The following SETD9 variants were observed in gnomAD, a reference collection of about 807,000 sequenced individuals.
SETD9 encodes SET domain containing 9.
Under a neutral mutation model 36.4 loss-of-function variants are expected in SETD9, and 37 were observed. The ratio of observed to expected loss-of-function variants is 1.02; its 90% CI spans 0.78 to 1.34. SETD9 has a LOEUF of 1.34. SETD9 is among the 40% of genes most tolerant of loss of function. The pLI is 0.00. For synonymous variants in SETD9, 128 were observed against 132.9 expected (o/e 0.96, Z 0.26); for missense variants, 323 against 353.2 (o/e 0.91, Z 0.69).
At chr5:56,911,962 T>G (rs1749155217) in intron 2 of SETD9, among the ~76,000 whole-genome samples, 1 of 152,134 alleles carries the variant, frequency 6.6e-6, no homozygotes, top group Non-Finnish European at 1.5e-5. Context: ...GAGACCAGTC[T>G]GGCCAACATA....
At chr5:56,912,146 C>T in intron 2 of SETD9, 1 of 976,728 alleles carries the variant, frequency 1.0e-6, no homozygotes, top group Non-Finnish European at 1.2e-6. Context: ...CAGTGCTAGG[C>T]TCCATCTCAA....
chr5:56,918,643 A>G (rs774125365), downstream of SETD9, among the ~76,000 whole-genome samples: 7 of 151,868 alleles, frequency 4.6e-5, no homozygotes, highest in African/African-American at 1.7e-4. Flanking sequence ...ACTTCTGTGC[A>G]TGTGTCCACC....
chr5:56,921,209 G>C (rs1375298333), downstream of SETD9: 1 of 152,498 alleles, frequency 6.6e-6, no homozygotes, highest in Non-Finnish European at 1.5e-5. Context: ...TGTAAACCCA[G>C]AGTGAAAATT....
At chr5:56,918,935 A>G (rs1749535922), downstream of SETD9, among the ~76,000 whole-genome samples, 1 of 152,208 alleles carries the variant, frequency 6.6e-6, no homozygotes, top group Non-Finnish European at 1.5e-5. Context: ...AGATATGACT[A>G]CGGTCAAACT....
chr5:56,911,197 A>G lies in SETD9; in HGVS notation c.127A>G (p.Lys43Glu). The G allele has an allele frequency of 6.4e-7, 1 of 1,568,868 alleles. No individual in the cohort carries two copies. The highest frequency in any genetic ancestry group is 1.2e-5 in the South Asian group (1 of 82,174). The change falls in exon 2 of 6, where the codon AAA becomes GAA. Residue 43 changes from lysine (K) to glutamate (E), a missense_variant. Transcript: ENST00000285947. ...RTLRYVPEESKDKVISDEDVL... is the reference protein window; with the variant it reads ...RTLRYVPEESEDKVISDEDVL... ...CCTCCGATATGTTCCAGAGGAATCC[A>G]AAGACAAAGTTATCTCAGATGAAGA...
rs1748983116 is a variant in SETD9 at position 56,909,614 on chromosome 5, C to T, written c.-32C>T. 6.4e-7 allele frequency: 1 copy of T among 1,567,388 alleles called. No individual in the cohort carries two copies. Among genetic ancestry groups the T allele is most frequent in the Non-Finnish European group, 8.7e-7 (1 of 1,155,964 alleles). On this transcript the variant is annotated 5_prime_UTR_variant, in exon 1 of 6. Coordinates refer to ENST00000285947, the MANE Select transcript of SETD9 (RefSeq NM_153706.4). The stretch of plus-strand genomic sequence containing the variant: ...CCGAGGCCTCGATCCGCCTTCCCCG[C>T]GCCGTCCTGGTCACGGCCCCGCGGG...
downstream of SETD9, chr5:56,925,566 G>T: frequency 4.8e-6 from 1 of 207,854 alleles, no homozygotes; most frequent in Non-Finnish European, 9.9e-6. Flanking sequence ...TGCAAAATCT[G>T]TATGAGAAAA....
chr5:56,916,602 A>T (rs1749439700), intron 5 of SETD9, among the ~76,000 whole-genome samples: 1 of 152,176 alleles, frequency 6.6e-6, no homozygotes, highest in South Asian at 2.1e-4. Context: ...CAGTTGTATA[A>T]ACATTGATTT....
chr5:56,923,710 G>A (rs1749804715), intron 5 of SETD9: 3 of 1,614,242 alleles, frequency 1.9e-6, no homozygotes, highest in Non-Finnish European at 2.5e-6. Context: ...CACTGGCAGT[G>A]AAGGAGTTGA....
downstream of SETD9, among the ~76,000 whole-genome samples, chr5:56,918,122 A>T (rs1015086044): frequency 6.6e-6 from 1 of 151,154 alleles, no homozygotes; most frequent in Non-Finnish European, 1.5e-5. Flanking sequence ...CCTATCATGG[A>T]GTAAATGCTG....
In SETD9 at chr5:56,913,934, G is replaced by A. The variant is rs1359787453; in HGVS notation, c.651G>A (p.Thr217=). The A allele has an allele frequency of 6.2e-6, 10 of 1,613,838 alleles. No individual in the cohort carries two copies. The highest frequency in any genetic ancestry group is 1.3e-5 in the African/African-American group (1 of 74,900). ...PLKMSDSTWL[T]SEIHNPLAVG... is the part of the protein sequence containing the mutation. ...AAATGAGTGATAGTACATGGCTAAC[G>A]TCAGAAATTCATAACCCTCTGGCTG... is the stretch of plus-strand genomic sequence containing the variant. The change falls in exon 4 of 6, where the codon ACG becomes ACA. Residue 217 remains threonine, a synonymous_variant. Coordinates refer to ENST00000285947, the MANE Select transcript of SETD9 (RefSeq NM_153706.4).
intron 1 of SETD9, chr5:56,910,205 C>G: frequency 1.6e-6 from 2 of 1,264,002 alleles, no homozygotes; most frequent in Non-Finnish European, 2.1e-6. Flanking sequence ...TTTTCTCCAC[C>G]AGGGGTTAAT....
intron 1 of SETD9, chr5:56,910,435 G>C (rs1192229450): frequency 1.3e-5 from 17 of 1,287,290 alleles, no homozygotes; most frequent in Non-Finnish European, 1.7e-5. Flanking sequence ...CCAGTGATCA[G>C]CTCAACACCG....
At chr5:56,912,693 A>C (rs1749202295) in intron 2 of SETD9, among the ~76,000 whole-genome samples, 1 of 152,202 alleles carries the variant, frequency 6.6e-6, no homozygotes, top group African/African-American at 2.4e-5. Context: ...TTTAGATGTT[A>C]AATCACATTC....
At chr5:56,915,012 C>A (rs1225802176) in intron 5 of SETD9, 46 bp downstream of exon 5, 2 of 1,342,700 alleles carry the variant, frequency 1.5e-6, no homozygotes, top group Non-Finnish European at 2.0e-6. Context: ...TTATGCTGTA[C>A]TTAAAAAAAT....
intron 5 of SETD9, among the ~76,000 whole-genome samples, chr5:56,925,094 A>C (rs1056418932): frequency 6.6e-6 from 1 of 152,196 alleles, no homozygotes; most frequent in Admixed American, 6.5e-5. Context: ...AGTAAATTTC[A>C]TAAGTCATTA....
At position 56,911,151 on chromosome 5, in the gene SETD9, A is replaced by G; in HGVS notation, c.99-18A>G. 1 of 1,521,670 alleles carries G rather than the reference A, an allele frequency of 6.6e-7. No individual in the cohort carries two copies. The highest frequency in any genetic ancestry group is 2.3e-5 in the East Asian group (1 of 44,134). The allele number at this position is 1,521,670 out of a possible 1,614,324, so 94.3% of individuals were successfully genotyped here. On this transcript the variant is annotated intron_variant, in intron 1 of 5. Coordinates refer to ENST00000285947, the MANE Select transcript of SETD9 (RefSeq NM_153706.4). ...TATCAGTTGAAGGGTAGTGAATAGA[A>G]ACTTTTCCCATTTTCAGGACCCTCC...
chr5:56,909,641 C>A lies in SETD9; in HGVS notation c.-5C>A. 6.2e-7 allele frequency: 1 copy of A among 1,602,724 alleles called. No individual in the cohort carries two copies. The highest frequency in any genetic ancestry group is 8.5e-7 in the Non-Finnish European group (1 of 1,175,762). ...CCGTCCTGGTCACGGCCCCGCGGGG[C>A]AGCCATGCCTGGCCGTCTGCTGCGG... is the stretch of plus-strand genomic sequence containing the variant. On this transcript the variant is annotated 5_prime_UTR_variant, in exon 1 of 6. Transcript: ENST00000285947.
chr5:56,920,523 T>C (rs1413965836), downstream of SETD9: 1 of 152,602 alleles, frequency 6.6e-6, no homozygotes, highest in African/African-American at 2.4e-5. Flanking sequence ...AAGGCATTAT[T>C]GTTTCTTCAC....
Sources: gnomAD v4.1 joint callset for allele counts (sites outside exome capture counted in the v4.1 genomes callset) on GRCh38, gnomAD v4.1.1 for gene constraint, MANE v1.5 for transcripts, NCBI Gene and HGNC (gene_info 2026-07-23, HGNC 2026-07-21) for gene names.